The following OLA1 variants were observed in gnomAD, a reference collection of about 807,000 sequenced individuals.
OLA1 encodes the protein obg-like ATPase 1.
OLA1 carries 14 observed loss-of-function variants against 48.4 expected under a neutral mutation model. The observed-to-expected ratio is 0.29, with a 90% CI of 0.19 to 0.45. The LOEUF (loss-of-function observed/expected upper bound fraction) is 0.45. Among genes scored for constraint, OLA1 ranks in the 20% least tolerant of loss-of-function variants. The pLI, the probability that OLA1 is intolerant of heterozygous loss-of-function variation, is 1.00. For missense variants in OLA1, 325 were observed against 467.1 expected (o/e 0.70, Z 2.80); for synonymous variants, 127 against 150.4 (o/e 0.84, Z 1.14).
In OLA1 at chr2:174,190,652, T is replaced by C. The variant is rs150227366; in HGVS notation, c.373+32381A>G. On this transcript the variant is annotated intron_variant, in intron 4 of 10. Transcript: ENST00000284719. ...ATTTACCTGAAAGTTACAAGCACAA[T>C]ATTAAGAACAGATTTTGATCAACCA... Among the ~76,000 whole-genome samples, 819 of 152,056 alleles carry C rather than the reference T, an allele frequency of 5.4e-3. 10 individuals carry two copies. The Middle Eastern group carries it at 0.065, about 12-fold the overall frequency.
chr2:174,133,120 T>C (rs1686221201), intron 5 of OLA1, among the ~76,000 whole-genome samples: 1 of 152,220 alleles, frequency 6.6e-6, no homozygotes, highest in African/African-American at 2.4e-5. Context: ...TGATATCGTA[T>C]ACTACACTAA....
At chr2:174,143,409 C>T (rs939811181) in intron 4 of OLA1, among the ~76,000 whole-genome samples, 7 of 152,118 alleles carry the variant, frequency 4.6e-5, no homozygotes, top group African/African-American at 9.7e-5. Flanking sequence ...AGATTTGAGG[C>T]ATCTTATGCA....
chr2:174,145,048 A>G (rs1003351173), intron 4 of OLA1, among the ~76,000 whole-genome samples: 1 of 145,974 alleles, frequency 6.9e-6, no homozygotes, highest in African/African-American at 2.5e-5. Context: ...TAGACAAATT[A>G]CCTAACCTCT....
intron 10 of OLA1, among the ~76,000 whole-genome samples, chr2:174,077,445 C>A (rs764478289): frequency 6.6e-6 from 1 of 152,092 alleles, no homozygotes; most frequent in Non-Finnish European, 1.5e-5. Flanking sequence ...AATAAAGGAG[C>A]AGAGAGCAAT....
At chr2:174,228,986 C>G (rs541066197) in intron 3 of OLA1, among the ~76,000 whole-genome samples, 176 of 152,300 alleles carry the variant, frequency 1.2e-3, no homozygotes, top group Middle Eastern at 0.01. Flanking sequence ...AAGCAATTCT[C>G]CTGCCTCAGC....
intron 7 of OLA1, among the ~76,000 whole-genome samples, chr2:174,118,666 T>G (rs112505734): frequency 3.9e-5 from 6 of 152,264 alleles, no homozygotes; most frequent in Non-Finnish European, 5.9e-5. Flanking sequence ...TTCAGCTAGT[T>G]TGAAAAAGAT....
intron 5 of OLA1, among the ~76,000 whole-genome samples, chr2:174,131,670 T>C (rs911843490): frequency 6.6e-6 from 1 of 152,158 alleles, no homozygotes; most frequent in Non-Finnish European, 1.5e-5. Context: ...TATCTCACCG[T>C]AGTCTGAATT....
intron 4 of OLA1, among the ~76,000 whole-genome samples, chr2:174,184,113 G>A (rs1017605248): frequency 4.6e-5 from 7 of 152,148 alleles, no homozygotes; most frequent in African/African-American, 1.4e-4. Flanking sequence ...TTGGTCTGGT[G>A]AACATGAAAA....
rs200578684 is a variant in OLA1, at chr2:174,191,238, TA to T, written c.373+31794del. Among the ~76,000 whole-genome samples the T allele has an allele frequency of 5.2e-3, 784 of 152,190 alleles. 4 individuals carry two copies. The highest frequency in any genetic ancestry group is 0.018 in the African/African-American group (761 of 41,526). On this transcript the variant is annotated intron_variant, in intron 4 of 10. Transcript: ENST00000284719. ...ACAACATAAATATACAATTTATACT[TA>T]AAAATATATGTATATACAGAAAAAT...
At chr2:174,105,863 G>T (rs1387669812) in intron 7 of OLA1, among the ~76,000 whole-genome samples, 1 of 151,920 alleles carries the variant, frequency 6.6e-6, no homozygotes, top group Non-Finnish European at 1.5e-5. Flanking sequence ...TAGCCAAAAA[G>T]ACTTAACGAG....
chr2:174,186,136 T>C (rs898351457), intron 4 of OLA1, among the ~76,000 whole-genome samples: 3 of 152,190 alleles, frequency 2.0e-5, no homozygotes, highest in Admixed American at 6.5e-5. Context: ...GAACATATCA[T>C]GTTTTTGAAT....
At chr2:174,157,136 G>A (rs1275917543) in intron 4 of OLA1, among the ~76,000 whole-genome samples, 2 of 152,120 alleles carry the variant, frequency 1.3e-5, no homozygotes, top group Non-Finnish European at 2.9e-5. Flanking sequence ...ACTTGGAGGT[G>A]TATAAATAGT....
intron 4 of OLA1, among the ~76,000 whole-genome samples, chr2:174,168,010 A>G (rs927367106): frequency 1.8e-4 from 28 of 152,228 alleles, no homozygotes; most frequent in African/African-American, 6.8e-4. Context: ...ACTGGAGAGC[A>G]AAGGAAATCA....
intron 4 of OLA1, among the ~76,000 whole-genome samples, chr2:174,178,435 A>G (rs981108077): frequency 1.3e-5 from 2 of 152,028 alleles, no homozygotes; most frequent in Admixed American, 6.6e-5. Flanking sequence ...AAGGAACACT[A>G]TAAATAATCA....
At chr2:174,211,825 T>C (rs1016827114) in intron 4 of OLA1, among the ~76,000 whole-genome samples, 6 of 152,220 alleles carry the variant, frequency 3.9e-5, no homozygotes, top group Admixed American at 1.3e-4. Flanking sequence ...GGCTAGTCCA[T>C]ACTGACATAC....
intron 2 of OLA1, 58 bp from the exon 3 acceptor site, chr2:174,229,509 T>C: frequency 2.3e-6 from 3 of 1,279,592 alleles, no homozygotes; most frequent in Non-Finnish European, 3.3e-6. Context: ...GAAAAATTTA[T>C]CTCACTCTAA....
intron 4 of OLA1, among the ~76,000 whole-genome samples, chr2:174,191,383 C>T (rs1381419557): frequency 3.9e-5 from 6 of 152,080 alleles, no homozygotes; most frequent in African/African-American, 1.4e-4. Context: ...AACACAATGT[C>T]CCCTTTTATC....
At chr2:174,247,813 A>G in intron 1 of OLA1, 1 of 1,547,018 alleles carries the variant, frequency 6.5e-7, no homozygotes, top group Non-Finnish European at 8.7e-7. Context: ...TTTTATTTAC[A>G]AGTCGAAACT....
rs76027954 is a variant in OLA1, at chr2:174,091,347, T to G, written c.729-9283A>C. On this transcript the variant is annotated intron_variant, in intron 7 of 10. Transcript: ENST00000284719. ...TTTTGGATTTTCCACTCTTGCATTT[T>G]AACCAGAAATGCTTCATTTTTATAT... 8.6e-3 allele frequency among the ~76,000 whole-genome samples: 1,310 copies of G among 152,356 alleles called. 21 individuals carry two copies. The highest frequency in any genetic ancestry group is 0.029 in the African/African-American group (1,200 of 41,574).
Sources: allele counts gnomAD v4.1 joint callset (sites outside exome capture counted in the v4.1 genomes callset), GRCh38; gene constraint gnomAD v4.1.1; transcripts MANE v1.5; gene names NCBI Gene and HGNC (gene_info 2026-07-23, HGNC 2026-07-21).